MYL1: variants seen among roughly 807,000 people sequenced by gnomAD.
The protein encoded by MYL1 is myosin light chain 1/3, skeletal muscle isoform.
A neutral mutation model predicts 21.8 loss-of-function variants in MYL1; 16 were observed. The observed-to-expected ratio is 0.74, with a 90% CI of 0.50 to 1.12. The LOEUF (loss-of-function observed/expected upper bound fraction) is 1.12, where lower values mean the gene tolerates loss of function less well. Ranked by LOEUF, MYL1 falls within the 50% of genes most tolerant of loss-of-function variation. The probability of loss-of-function intolerance (pLI) is 0.00; values close to 1 mark genes in which losing one functional copy is unlikely to be tolerated. For missense variants in MYL1, 246 were observed against 241.0 expected (o/e 1.02, Z -0.14); for synonymous variants, 99 against 85.2 (o/e 1.16, Z -0.89).
intron 1 of MYL1, among the ~76,000 whole-genome samples, chr2:210,312,678 T>C (rs1317117889): frequency 6.6e-6 from 1 of 151,950 alleles, no homozygotes; most frequent in Non-Finnish European, 1.5e-5. Flanking sequence ...CATTTGTTTC[T>C]CTTTTTTTTC....
At chr2:210,301,996 CCTT>C (rs1428876493) in intron 2 of MYL1, among the ~76,000 whole-genome samples, 3 of 151,996 alleles carry the variant, frequency 2.0e-5, no homozygotes, top group Non-Finnish European at 4.4e-5. Flanking sequence ...ATAAATTAAT[CCTT>C]CTTCTTTGTT....
intron 3 of MYL1, among the ~76,000 whole-genome samples, chr2:210,295,568 C>T (rs1160326218): frequency 1.3e-5 from 2 of 152,054 alleles, no homozygotes; most frequent in African/African-American, 2.4e-5. Flanking sequence ...ATTGCTTGAG[C>T]CTGGGAGGTG....
chr2:210,293,586 A>C (rs1010612096), intron 5 of MYL1, 137 bp downstream of exon 5: 8 of 695,260 alleles, frequency 1.2e-5, no homozygotes, highest in South Asian at 1.8e-5. Flanking sequence ...AGATCCTCAC[A>C]TATCTTTTTA....
chr2:210,311,533 C>T (rs1365341019), intron 1 of MYL1, among the ~76,000 whole-genome samples: 12 of 151,952 alleles, frequency 7.9e-5, no homozygotes, highest in South Asian at 6.2e-4. Flanking sequence ...GTGGTGAATA[C>T]GAGAATTAAA....
chr2:210,311,587 C>T (rs1367607034), intron 1 of MYL1, among the ~76,000 whole-genome samples: 1 of 151,988 alleles, frequency 6.6e-6, no homozygotes, highest in African/African-American at 2.4e-5. Flanking sequence ...ATCCTATCAC[C>T]TCACAGCAAT....
intron 3 of MYL1, among the ~76,000 whole-genome samples, chr2:210,296,115 A>C (rs141001911): frequency 2.6e-4 from 40 of 152,286 alleles, no homozygotes; most frequent in African/African-American, 9.6e-4. Context: ...CTGAATATCT[A>C]CTTGAAAAAC....
chr2:210,298,869 T>C (rs1690221013), intron 2 of MYL1, among the ~76,000 whole-genome samples: 1 of 152,202 alleles, frequency 6.6e-6, no homozygotes, highest in Non-Finnish European at 1.5e-5. Context: ...CTGGATTGGG[T>C]TAAAAAATTC....
At chr2:210,297,018 C>CATAT (rs35761433) in intron 3 of MYL1, among the ~76,000 whole-genome samples, 5,141 of 134,248 alleles carry the variant, frequency 0.038, 127 homozygotes, top group African/African-American at 0.068. Context: ...TGTGTGTGTA[C>CATAT]ATATATATAT....
intron 1 of MYL1, chr2:210,303,639 C>T: frequency 3.2e-6 from 5 of 1,553,068 alleles, no homozygotes; most frequent in Non-Finnish European, 4.3e-6. Context: ...GCTGAGGCTT[C>T]CTTTTATTTC....
At chr2:210,306,261 G>T (rs765313114) in intron 1 of MYL1, among the ~76,000 whole-genome samples, 2 of 151,306 alleles carry the variant, frequency 1.3e-5, no homozygotes, top group Non-Finnish European at 2.9e-5. Context: ...TACGCCCATA[G>T]TCGCAGCTAC....
At chr2:210,297,558 A>G (rs1690196546) in intron 3 of MYL1, among the ~76,000 whole-genome samples, 1 of 150,772 alleles carries the variant, frequency 6.6e-6, no homozygotes, top group African/African-American at 2.4e-5. Flanking sequence ...CATATTTTGG[A>G]TATTAATCCC....
At chr2:210,302,060 A>G (rs759723638) in intron 2 of MYL1, among the ~76,000 whole-genome samples, 25 of 152,112 alleles carry the variant, frequency 1.6e-4, no homozygotes, top group Non-Finnish European at 3.1e-4. Context: ...TTGAAATGAT[A>G]TAGGTTTAGT....
At position 210,294,261 on chromosome 2, in the gene MYL1, A is replaced by G. The variant is rs1331633703; in HGVS notation, c.462T>C (p.His154=). ...NGTVMGAELR[H]VLATLGEKMK... Reference sequence around the variant, plus strand: ...TTCCCTTACCCAGGGTGGCTAGAACATGGCGGAGTTCAGCACCCATGACTG... The same window carrying G: ...TTCCCTTACCCAGGGTGGCTAGAACGTGGCGGAGTTCAGCACCCATGACTG... The change falls in exon 4 of 7, where the codon CAT becomes CAC. Residue 154 remains histidine, a synonymous_variant. Coordinates refer to ENST00000352451, the MANE Select transcript of MYL1 (RefSeq NM_079420.3). The G allele has an allele frequency of 1.2e-6, 2 of 1,612,538 alleles. No individual in the cohort carries two copies. The highest frequency in any genetic ancestry group is 1.7e-6 in the Non-Finnish European group (2 of 1,179,454).
intron 3 of MYL1, 111 bp from the exon 4 acceptor site, chr2:210,294,529 T>G (rs1690142996): frequency 1.0e-6 from 1 of 972,884 alleles, no homozygotes; most frequent in Non-Finnish European, 1.5e-6. Flanking sequence ...TCACACAGCT[T>G]AAATTTCAGC....
intron 1 of MYL1, among the ~76,000 whole-genome samples, chr2:210,310,913 C>T (rs966996522): frequency 3.9e-5 from 6 of 152,054 alleles, no homozygotes; most frequent in Non-Finnish European, 8.8e-5. Flanking sequence ...ATGGTTAACA[C>T]AGTTGACTCT....
intron 1 of MYL1, among the ~76,000 whole-genome samples, chr2:210,313,974 G>C (rs574835514): frequency 6.6e-6 from 1 of 152,146 alleles, no homozygotes; most frequent in South Asian, 2.1e-4. Context: ...GGTTTCCTTA[G>C]ATAAAAATTT....
chr2:210,305,155 T>G (rs910430423), intron 1 of MYL1, among the ~76,000 whole-genome samples: 3 of 152,202 alleles, frequency 2.0e-5, no homozygotes, highest in South Asian at 2.1e-4. Context: ...CTTTGTAACT[T>G]CTCCTGAAAC....
intron 3 of MYL1, 103 bp from the exon 4 acceptor site, chr2:210,294,521 A>G (rs1189478248): frequency 9.3e-7 from 1 of 1,074,232 alleles, no homozygotes; most frequent in East Asian, 2.5e-5. Context: ...AAAAACCTTC[A>G]CACAGCTTAA....
chr2:210,306,001 G>A (rs540433509), intron 1 of MYL1, among the ~76,000 whole-genome samples: 35 of 151,828 alleles, frequency 2.3e-4, no homozygotes, highest in African/African-American at 6.3e-4. Flanking sequence ...TGGACGTTGC[G>A]GTGAGCTGAG....
Sources: allele counts gnomAD v4.1 joint callset (sites outside exome capture counted in the v4.1 genomes callset), GRCh38; gene constraint gnomAD v4.1.1; transcripts MANE v1.5; gene names NCBI Gene and HGNC (gene_info 2026-07-23, HGNC 2026-07-21).